Variants in GRIA1 observed in about 807,000 individuals in gnomAD.
GRIA1 encodes the protein glutamate receptor 1.
A neutral mutation model predicts 99.2 loss-of-function variants in GRIA1; 31 were observed. That is an observed-to-expected ratio of 0.31 (90% CI 0.23 to 0.42). The LOEUF (loss-of-function observed/expected upper bound fraction) is 0.42. Among genes scored for constraint, GRIA1 ranks in the 10% least tolerant of loss-of-function variants. GRIA1 has a pLI of 1.00. For synonymous variants in GRIA1, 438 were observed against 432.4 expected (o/e 1.01, Z -0.16); for missense variants, 782 against 1,157.5 (o/e 0.68, Z 4.71).
chr5:153,804,724 AATTAATTAATTTATTTATTTATTT>A (rs1229695773), intron 15 of GRIA1, among the ~76,000 whole-genome samples: 1 of 78,532 alleles, frequency 1.3e-5, no homozygotes, highest in Non-Finnish European at 2.5e-5. Flanking sequence ...TTAATTAATT[AATTAATTAATTTATTTATTTATTT>A]ATTTATTTAT....
Position 153,698,968 on chromosome 5 carries a change from C to T in GRIA1, c.1347C>T (p.His449=), listed in dbSNP as rs774228054. 1.3e-5 allele frequency: 21 copies of T among 1,612,014 alleles called. No individual in the cohort carries two copies. Among genetic ancestry groups the T allele is most frequent in the African/African-American group, 1.1e-4 (8 of 74,454 alleles). ...CVELAAEIAK[H]VGYSYRLEIV... ...AGCTGGCGGCAGAGATTGCCAAGCA[C>T]GTGGGCTACTCCTACCGTCTGGAGA... The change falls in exon 10 of 16, where the codon CAC becomes CAT. Residue 449 remains histidine (H), a synonymous_variant. Transcript: ENST00000285900.
At chr5:153,585,987 T>C (rs1763451501) in intron 2 of GRIA1, among the ~76,000 whole-genome samples, 1 of 152,054 alleles carries the variant, frequency 6.6e-6, no homozygotes. Flanking sequence ...AGTGTGCTGA[T>C]TTCAAGCATT....
At chr5:153,594,913 G>T (rs142472653) in intron 2 of GRIA1, among the ~76,000 whole-genome samples, 2 of 152,092 alleles carry the variant, frequency 1.3e-5, no homozygotes, top group East Asian at 3.9e-4. Flanking sequence ...AGACTTCAAA[G>T]TATCCAGTGC....
chr5:153,497,212 C>T (rs1754527863), intron 2 of GRIA1, among the ~76,000 whole-genome samples: 1 of 152,124 alleles, frequency 6.6e-6, no homozygotes, highest in African/African-American at 2.4e-5. Flanking sequence ...TTGGGATCTC[C>T]TTTAAGCACT....
In GRIA1 at chr5:153,646,969, T is replaced by G; in HGVS notation, c.262T>G (p.Phe88Val). The change falls in exon 3 of 16, where the codon TTT becomes GTT. Residue 88 changes from phenylalanine (F) to valine (V), a missense_variant. Phe to Val is a conservative substitution (Grantham distance 50). This residue lies in a region of GRIA1 where 461 missense variants were observed against 521.7 expected (regional missense o/e 0.88). Coordinates refer to ENST00000285900, the MANE Select transcript of GRIA1 (RefSeq NM_000827.4). Reference sequence around the variant, plus strand: ...CAAAGGAGTCTATGCCATCTTTGGGTTTTATGAACGTAGGACTGTCAACAT... The same window carrying G: ...CAAAGGAGTCTATGCCATCTTTGGGGTTTATGAACGTAGGACTGTCAACAT... ...FSKGVYAIFG[F>V]YERRTVNMLT... The G allele has an allele frequency of 6.2e-7, 1 of 1,613,832 alleles. No individual in the cohort carries two copies. Among genetic ancestry groups the G allele is most frequent in the Non-Finnish European group, 8.5e-7 (1 of 1,179,808 alleles).
intron 2 of GRIA1, among the ~76,000 whole-genome samples, chr5:153,521,509 A>G (rs950238476): frequency 4.6e-5 from 7 of 152,214 alleles, no homozygotes; most frequent in Admixed American, 1.3e-4. Context: ...AAGGAGAAAT[A>G]GATCTTCCCG....
chr5:153,781,696 A>G (rs556118529), intron 13 of GRIA1, among the ~76,000 whole-genome samples: 1 of 149,804 alleles, frequency 6.7e-6, no homozygotes, highest in Non-Finnish European at 1.5e-5. Context: ...AGACCACATA[A>G]CACAAATTAA....
chr5:153,757,441 G>A (rs1762907232), intron 11 of GRIA1, among the ~76,000 whole-genome samples: 1 of 152,160 alleles, frequency 6.6e-6, no homozygotes, highest in African/African-American at 2.4e-5. Flanking sequence ...CCAGGTAGAG[G>A]AAGGTCAAAA....
chr5:153,696,829 G>C (rs1758139424), intron 8 of GRIA1, among the ~76,000 whole-genome samples: 1 of 151,178 alleles, frequency 6.6e-6, no homozygotes. Context: ...GATAAAGAGA[G>C]ATAAGTATAG....
chr5:153,501,877 G>A (rs1755045268), intron 2 of GRIA1, among the ~76,000 whole-genome samples: 1 of 152,202 alleles, frequency 6.6e-6, no homozygotes, highest in African/African-American at 2.4e-5. Flanking sequence ...AGGCTGTGTG[G>A]AGGCAGGGAT....
At chr5:153,806,632 T>G (rs1002210096) in intron 15 of GRIA1, among the ~76,000 whole-genome samples, 9 of 152,086 alleles carry the variant, frequency 5.9e-5, no homozygotes, top group Non-Finnish European at 1.3e-4. Flanking sequence ...GGCTCAACAG[T>G]GCTTAAAAAC....
At chr5:153,778,610 G>A (rs1764426067) in intron 13 of GRIA1, among the ~76,000 whole-genome samples, 1 of 150,812 alleles carries the variant, frequency 6.6e-6, no homozygotes, top group South Asian at 2.1e-4. Context: ...AGGAAGGGAT[G>A]ATTATTCAGA....
chr5:153,506,610 T>C (rs563209149), intron 2 of GRIA1, among the ~76,000 whole-genome samples: 1 of 152,210 alleles, frequency 6.6e-6, no homozygotes, highest in East Asian at 1.9e-4. Flanking sequence ...GTAAAGGCTA[T>C]AGAGGTGTCA....
At chr5:153,706,177 C>T (rs754830493) in intron 11 of GRIA1, 110 bp downstream of exon 11, 4 of 1,063,874 alleles carry the variant, frequency 3.8e-6, no homozygotes, top group Non-Finnish European at 5.6e-6. Context: ...TTTCAGACCA[C>T]TGTATTCAGT....
chr5:153,632,051 G>C (rs991739924), intron 2 of GRIA1, among the ~76,000 whole-genome samples: 1 of 152,204 alleles, frequency 6.6e-6, no homozygotes, highest in African/African-American at 2.4e-5. Flanking sequence ...TTTATTCAAA[G>C]CATGATGAGA....
At chr5:153,803,706 G>A (rs1766207777) in intron 15 of GRIA1, among the ~76,000 whole-genome samples, 1 of 152,124 alleles carries the variant, frequency 6.6e-6, no homozygotes, top group African/African-American at 2.4e-5. Context: ...AGACTAACAA[G>A]ATCCCTTGGT....
At chr5:153,713,735 T>C (rs1307635066) in intron 11 of GRIA1, among the ~76,000 whole-genome samples, 1 of 152,236 alleles carries the variant, frequency 6.6e-6, no homozygotes, top group East Asian at 1.9e-4. Flanking sequence ...AGTTTATACT[T>C]TGAACATTTT....
intron 2 of GRIA1, among the ~76,000 whole-genome samples, chr5:153,636,440 T>C (rs185437151): frequency 2.4e-4 from 36 of 152,346 alleles, no homozygotes; most frequent in Non-Finnish European, 3.2e-4. Context: ...TAAAGTTTTA[T>C]TGAAACACAG....
At chr5:153,491,717 C>T (rs1244846736) in intron 1 of GRIA1, among the ~76,000 whole-genome samples, 1 of 152,202 alleles carries the variant, frequency 6.6e-6, no homozygotes, top group African/African-American at 2.4e-5. Flanking sequence ...CACACACGTA[C>T]ACATGCTCCT....
Sources: allele counts gnomAD v4.1 joint callset (sites outside exome capture counted in the v4.1 genomes callset), GRCh38; gene constraint gnomAD v4.1.1; regional missense constraint gnomAD v4.1.1; transcripts MANE v1.5; gene names NCBI Gene and HGNC (gene_info 2026-07-23, HGNC 2026-07-21).